GRM1: variants seen among roughly 807,000 people sequenced by gnomAD.
GRM1 encodes glutamate metabotropic receptor 1, also known as metabotropic glutamate receptor 1.
Under a neutral mutation model 90.9 loss-of-function variants are expected in GRM1, and 33 were observed. That is an observed-to-expected ratio of 0.36 (90% CI 0.28 to 0.49). GRM1 has a LOEUF of 0.49. Among genes scored for constraint, GRM1 ranks in the 20% least tolerant of loss-of-function variants. The pLI is 0.99. For missense variants in GRM1, 1,190 were observed against 1,534.3 expected (o/e 0.78, Z 3.75); for synonymous variants, 700 against 613.2 (o/e 1.14, Z -2.09).
intron 3 of GRM1, among the ~76,000 whole-genome samples, chr6:146,315,914 G>A (rs1443108879): frequency 2.0e-5 from 3 of 152,186 alleles, no homozygotes; most frequent in Non-Finnish European, 4.4e-5. Flanking sequence ...AAACCAGTAA[G>A]TCATAACCAA....
chr6:146,329,811 C>T (rs748832048), intron 3 of GRM1, among the ~76,000 whole-genome samples: 30 of 152,296 alleles, frequency 2.0e-4, no homozygotes, highest in Non-Finnish European at 4.0e-4. Context: ...AATCACCTAA[C>T]ACAAAGCCTA....
At chr6:146,202,422 G>A (rs960883243) in intron 2 of GRM1, among the ~76,000 whole-genome samples, 1 of 152,156 alleles carries the variant, frequency 6.6e-6, no homozygotes, top group Non-Finnish European at 1.5e-5. Context: ...ATCTCACAGG[G>A]TTGCTCTGAA....
rs1783116149 is a variant in GRM1, at chr6:146,294,720, T to G, written c.951-9891T>G. 2.0e-5 allele frequency among the ~76,000 whole-genome samples: 3 copies of G among 152,192 alleles called. No individual in the cohort carries two copies. In the South Asian group the frequency reaches 6.2e-4, roughly 31 times the overall value. ...GATTTCTTTTTATCAATTTACTTTC[T>G]ATCTTGCTATGTTACTTACTGTACA... On this transcript the variant is annotated intron_variant, in intron 2 of 7. Transcript: ENST00000282753.
At chr6:146,245,755 C>G (rs1407179334) in intron 2 of GRM1, among the ~76,000 whole-genome samples, 1 of 152,138 alleles carries the variant, frequency 6.6e-6, no homozygotes, top group Non-Finnish European at 1.5e-5. Context: ...CTCTAAGGAA[C>G]AAAATTCTTT....
At chr6:146,363,792 C>A (rs1775580242) in intron 5 of GRM1, among the ~76,000 whole-genome samples, 1 of 152,170 alleles carries the variant, frequency 6.6e-6, no homozygotes, top group South Asian at 2.1e-4. Flanking sequence ...GCTAGATGAA[C>A]TTTGAAAAGC....
At chr6:146,424,287 A>G (rs975799970) in intron 7 of GRM1, among the ~76,000 whole-genome samples, 1 of 152,204 alleles carries the variant, frequency 6.6e-6, no homozygotes, top group Non-Finnish European at 1.5e-5. Context: ...TTGCCTTGAG[A>G]TAGTACAGGG....
rs551811246 is a variant in GRM1, at chr6:146,171,702, C to T, written c.950+12105C>T. Reference sequence around the variant, plus strand: ...CAACTAGAGGAGGACATGAAGAAAGCAAAAGAACAGCTGAAGATCCATAAA... The same window carrying T: ...CAACTAGAGGAGGACATGAAGAAAGTAAAAGAACAGCTGAAGATCCATAAA... On this transcript the variant is annotated intron_variant, in intron 2 of 7. Coordinates refer to ENST00000282753, the MANE Select transcript of GRM1 (RefSeq NM_001278064.2). The T allele has an allele frequency of 3.0e-5, 9 of 296,920 alleles. No homozygotes were observed. The South Asian group carries it at 4.0e-4, about 13-fold the overall frequency. 18.4% of individuals were successfully genotyped at this position (296,920 alleles called of 1,614,324 possible). A position where few individuals can be genotyped will look rare whatever the true frequency, so the allele number is the denominator to read the frequency against.
chr6:146,304,359 C>T (rs1332778228), intron 2 of GRM1, among the ~76,000 whole-genome samples: 1 of 152,114 alleles, frequency 6.6e-6, no homozygotes, highest in African/African-American at 2.4e-5. Context: ...GAATACTCAT[C>T]GAACTTTAAT....
At chr6:146,267,604 A>C (rs2114809673) in intron 2 of GRM1, among the ~76,000 whole-genome samples, 1 of 148,692 alleles carries the variant, frequency 6.7e-6, no homozygotes, top group East Asian at 2.2e-4. Flanking sequence ...AGCATGGGAG[A>C]AAGATGTAGG....
intron 6 of GRM1, among the ~76,000 whole-genome samples, chr6:146,390,298 T>C (rs1175315030): frequency 6.6e-6 from 1 of 152,046 alleles, no homozygotes; most frequent in Non-Finnish European, 1.5e-5. Flanking sequence ...GTGGTTTTTT[T>C]TGGCTATGAA....
At chr6:146,085,299 C>G (rs1387074278) in intron 1 of GRM1, among the ~76,000 whole-genome samples, 1 of 151,936 alleles carries the variant, frequency 6.6e-6, no homozygotes, top group Non-Finnish European at 1.5e-5. Context: ...AAGGGTGATG[C>G]TAAATGGCTT....
At chr6:146,269,674 A>G (rs1232008668) in intron 2 of GRM1, among the ~76,000 whole-genome samples, 1 of 152,112 alleles carries the variant, frequency 6.6e-6, no homozygotes, top group African/African-American at 2.4e-5. Flanking sequence ...TATCATAGGA[A>G]TGCAAACCCT....
intron 7 of GRM1, among the ~76,000 whole-genome samples, chr6:146,405,624 A>C (rs1253719987): frequency 1.3e-5 from 2 of 152,220 alleles, no homozygotes; most frequent in African/African-American, 4.8e-5. Context: ...CTGTGTGCTC[A>C]CATGACTTCT....
At chr6:146,058,504 T>C (rs1490537306) in intron 1 of GRM1, among the ~76,000 whole-genome samples, 8 of 152,158 alleles carry the variant, frequency 5.3e-5, no homozygotes, top group African/African-American at 1.9e-4. Flanking sequence ...TAATCTTTTT[T>C]GGTGGCTGAG....
Position 146,293,021 on chromosome 6 carries a change from G to A in GRM1, c.951-11590G>A, listed in dbSNP as rs114184640. Among the ~76,000 whole-genome samples the A allele has an allele frequency of 6.5e-3, 989 of 152,046 alleles. 12 individuals carry two copies. Among genetic ancestry groups the A allele is most frequent in the African/African-American group, 0.022 (931 of 41,534 alleles). ...TAAATAAAAGAAGCTGGATGCAAAA[G>A]TTCATGTATTGTGTGATTACATTTG... On this transcript the variant is annotated intron_variant, in intron 2 of 7. Transcript: ENST00000282753.
intron 3 of GRM1, among the ~76,000 whole-genome samples, chr6:146,308,077 G>C (rs1042636897): frequency 6.6e-6 from 1 of 152,178 alleles, no homozygotes; most frequent in Admixed American, 6.5e-5. Context: ...CTCTCTTCCA[G>C]TAAATGTCTT....
chr6:146,220,704 C>T (rs2114674858), intron 2 of GRM1, among the ~76,000 whole-genome samples: 1 of 152,054 alleles, frequency 6.6e-6, no homozygotes, highest in Non-Finnish European at 1.5e-5. Flanking sequence ...GTGCCATAAG[C>T]TGGGAAGACA....
At chr6:146,391,079 A>G (rs907580555) in intron 6 of GRM1, among the ~76,000 whole-genome samples, 1 of 152,124 alleles carries the variant, frequency 6.6e-6, no homozygotes, top group African/African-American at 2.4e-5. Flanking sequence ...GTTATGAATT[A>G]CCTCAAGACG....
At chr6:146,034,454 C>T (rs1194409139) in intron 1 of GRM1, among the ~76,000 whole-genome samples, 1 of 151,848 alleles carries the variant, frequency 6.6e-6, no homozygotes, top group Non-Finnish European at 1.5e-5. Context: ...ATCCATATCT[C>T]CTTCCTTTTA....
Sources: allele counts gnomAD v4.1 joint callset (sites outside exome capture counted in the v4.1 genomes callset), GRCh38; gene constraint gnomAD v4.1.1; transcripts MANE v1.5; gene names NCBI Gene and HGNC (gene_info 2026-07-23, HGNC 2026-07-21).